RAB39A: variants seen among roughly 807,000 people sequenced by gnomAD.
RAB39A encodes ras-related protein Rab-39A.
In RAB39A, 17 loss-of-function variants were observed where a neutral mutation model predicts 20.9. The observed-to-expected ratio is 0.81, with a 90% CI of 0.56 to 1.22. RAB39A has a LOEUF of 1.22. RAB39A is among the 50% of genes most tolerant of loss of function. The pLI, the probability that RAB39A is intolerant of heterozygous loss-of-function variation, is 0.00. For synonymous variants in RAB39A, 99 were observed against 103.4 expected, an observed-to-expected ratio of 0.96 and a Z score of 0.26; for missense variants, 234 against 270.5, an observed-to-expected ratio of 0.87 and a Z score of 0.95.
At chr11:107,935,451 T>C (rs1163226663) in intron 1 of RAB39A, among the ~76,000 whole-genome samples, 2 of 151,196 alleles carry the variant, frequency 1.3e-5, no homozygotes, top group South Asian at 2.1e-4. Flanking sequence ...CTCGGCTCAC[T>C]GCAAGCTCCA....
chr11:107,943,018 T>A (rs537276695), intron 1 of RAB39A, among the ~76,000 whole-genome samples: 1 of 152,292 alleles, frequency 6.6e-6, no homozygotes, highest in East Asian at 1.9e-4. Flanking sequence ...CAAACACCTA[T>A]GGCATCAGTA....
intron 1 of RAB39A, among the ~76,000 whole-genome samples, chr11:107,956,230 C>G (rs1861435093): frequency 6.6e-6 from 1 of 152,170 alleles, no homozygotes; most frequent in Non-Finnish European, 1.5e-5. Context: ...GATATTTCTC[C>G]TATTTTCACA....
At chr11:107,939,856 C>T (rs1861242146) in intron 1 of RAB39A, among the ~76,000 whole-genome samples, 1 of 152,072 alleles carries the variant, frequency 6.6e-6, no homozygotes, top group Non-Finnish European at 1.5e-5. Flanking sequence ...GTTGAGCTTT[C>T]AAAACAAGGG....
chr11:107,954,438 GC>G (rs960080705), intron 1 of RAB39A, among the ~76,000 whole-genome samples: 4 of 152,086 alleles, frequency 2.6e-5, no homozygotes, highest in African/African-American at 7.2e-5. Flanking sequence ...CTAATTACCA[GC>G]CCCGATCTTG....
At chr11:107,939,592 A>G (rs1342435537) in intron 1 of RAB39A, among the ~76,000 whole-genome samples, 2 of 151,372 alleles carry the variant, frequency 1.3e-5, no homozygotes, top group Non-Finnish European at 1.5e-5. Flanking sequence ...CCTGGGCAAT[A>G]GAGCCAGACT....
chr11:107,949,040 A>T (rs1466632306), intron 1 of RAB39A, among the ~76,000 whole-genome samples: 1 of 152,122 alleles, frequency 6.6e-6, no homozygotes, highest in Non-Finnish European at 1.5e-5. Context: ...AAGAATTTGG[A>T]GCCAGGCCAA....
chr11:107,957,186 A>T (rs1028475372), intron 1 of RAB39A, among the ~76,000 whole-genome samples: 1 of 152,242 alleles, frequency 6.6e-6, no homozygotes, highest in Non-Finnish European at 1.5e-5. Context: ...ATCCAAATGG[A>T]TGTTGAAATC....
In RAB39A at chr11:107,962,398, G is replaced by C; in HGVS notation, c.*26G>C. 1 of 1,559,290 alleles carries C rather than the reference G, an allele frequency of 6.4e-7. No homozygotes were observed. Among genetic ancestry groups the C allele is most frequent in the Non-Finnish European group, 8.7e-7 (1 of 1,148,416 alleles). The stretch of plus-strand genomic sequence containing the variant: ...CTTCAAACATGCTGAAGAACTAACA[G>C]GAACAGATTGGGTGTCAGTTCAGGA... On this transcript the variant is annotated 3_prime_UTR_variant, in exon 2 of 2. Transcript: ENST00000320578.
intron 1 of RAB39A, among the ~76,000 whole-genome samples, chr11:107,935,446 C>T (rs1393105592): frequency 2.0e-5 from 3 of 151,140 alleles, no homozygotes; most frequent in Non-Finnish European, 4.4e-5. Flanking sequence ...GCGATCTCGG[C>T]TCACTGCAAG....
At chr11:107,930,595 C>T (rs980331779) in intron 1 of RAB39A, among the ~76,000 whole-genome samples, 12 of 152,258 alleles carry the variant, frequency 7.9e-5, no homozygotes, top group African/African-American at 2.6e-4. Flanking sequence ...GGGTGGCTCA[C>T]GCCTGTAATT....
At chr11:107,937,688 ACCATGC>A (rs1225936052) in intron 1 of RAB39A, among the ~76,000 whole-genome samples, 2 of 152,110 alleles carry the variant, frequency 1.3e-5, no homozygotes, top group Non-Finnish European at 2.9e-5. Flanking sequence ...GGCACCTGCC[ACCATGC>A]CCAGCTAGGA....
intron 1 of RAB39A, among the ~76,000 whole-genome samples, chr11:107,960,590 C>A (rs184522225): frequency 5.8e-4 from 89 of 152,154 alleles, no homozygotes; most frequent in Admixed American, 1.4e-3. Flanking sequence ...GTAGGTTAGC[C>A]GAAAAGAGTT....
chr11:107,943,570 C>CAAAA (rs1306320458), intron 1 of RAB39A, among the ~76,000 whole-genome samples: 1 of 56,548 alleles, frequency 1.8e-5, no homozygotes, highest in Middle Eastern at 0.011. Flanking sequence ...GACTCCGTCT[C>CAAAA]AAAAAAAAAA....
intron 1 of RAB39A, among the ~76,000 whole-genome samples, chr11:107,929,730 G>A (rs1418865328): frequency 6.6e-6 from 1 of 152,150 alleles, no homozygotes; most frequent in Non-Finnish European, 1.5e-5. Context: ...TAAATAAAAA[G>A]TAAATGAAAT....
At chr11:107,930,309 C>T (rs553008286) in intron 1 of RAB39A, among the ~76,000 whole-genome samples, 60 of 152,254 alleles carry the variant, frequency 3.9e-4, no homozygotes, top group African/African-American at 1.3e-3. Flanking sequence ...TGAAAGTCGT[C>T]GTGATCTCTA....
chr11:107,928,488 C>T lies in RAB39A; in HGVS notation c.-81C>T. The T allele has an allele frequency of 9.1e-7, 1 of 1,093,720 alleles. No individual in the cohort carries two copies. Among genetic ancestry groups the T allele is most frequent in the African/African-American group, 1.6e-5 (1 of 61,174 alleles). The allele number at this position is 1,093,720 out of a possible 1,614,324, so 67.8% of individuals were successfully genotyped here. On this transcript the variant is annotated 5_prime_UTR_variant, in exon 1 of 2. Coordinates refer to ENST00000320578, the MANE Select transcript of RAB39A (RefSeq NM_017516.3). The surrounding 1 kb of genome is among the most constrained non-coding windows in gnomAD (Gnocchi z 4.9). ...CTGGAAGGCGGCGGGCGGGCGCCCG[C>T]GAGGTGCTGAAAGGACAGTTCCCGC...
chr11:107,962,650 G>A lies in RAB39A; in HGVS notation c.*278G>A, dbSNP rs927553783. The stretch of plus-strand genomic sequence containing the variant: ...TACGCTGACCTTAGTGTCCAGATAT[G>A]TCACTATTACTCATTTTTCTTGACA... On this transcript the variant is annotated 3_prime_UTR_variant, in exon 2 of 2. Transcript: ENST00000320578. 3.4e-6 allele frequency: 1 copy of A among 292,306 alleles called. No homozygotes were observed. Among genetic ancestry groups the A allele is most frequent in the African/African-American group, 2.1e-5 (1 of 46,542 alleles). The allele number at this position is 292,306 out of a possible 1,614,324, so 18.1% of individuals were successfully genotyped here. A position where few individuals can be genotyped will look rare whatever the true frequency, so the allele number is the denominator to read the frequency against.
chr11:107,939,668 G>A (rs1283228219), intron 1 of RAB39A, among the ~76,000 whole-genome samples: 1 of 151,516 alleles, frequency 6.6e-6, no homozygotes, highest in Non-Finnish European at 1.5e-5. Context: ...CCTGCCTGGA[G>A]TATTTATATT....
chr11:107,939,821 A>G (rs1861241839), intron 1 of RAB39A, among the ~76,000 whole-genome samples: 1 of 152,098 alleles, frequency 6.6e-6, no homozygotes, highest in Non-Finnish European at 1.5e-5. Flanking sequence ...AGCAGTGACC[A>G]CCTATTCTGA....
Sources: allele counts gnomAD v4.1 joint callset (sites outside exome capture counted in the v4.1 genomes callset), GRCh38; gene constraint gnomAD v4.1.1; non-coding constraint Gnocchi (gnomAD v3.1); transcripts MANE v1.5; gene names NCBI Gene and HGNC (gene_info 2026-07-23, HGNC 2026-07-21).